The following CARMIL1 variants were observed in gnomAD, a reference collection of about 807,000 sequenced individuals.
CARMIL1 encodes capping protein regulator and myosin 1 linker 1, also known as F-actin-uncapping protein LRRC16A.
Under a neutral mutation model 177.1 loss-of-function variants are expected in CARMIL1, and 90 were observed. That is an observed-to-expected ratio of 0.51 (90% confidence interval 0.43 to 0.61). The LOEUF (loss-of-function observed/expected upper bound fraction) is 0.61, where lower values mean the gene tolerates loss of function less well. Among genes scored for constraint, CARMIL1 ranks in the 20% least tolerant of loss-of-function variants. The pLI is 0.00. For missense variants in CARMIL1, 1,380 were observed against 1,667.0 expected, an observed-to-expected ratio of 0.83 and a Z score of 3.00; for synonymous variants, 577 against 606.2, an observed-to-expected ratio of 0.95 and a Z score of 0.71.
At chr6:25,441,337 A>ATATATATATATATGTGTGTGTGTG in intron 5 of CARMIL1, among the ~76,000 whole-genome samples, 14 of 94,528 alleles carry the variant, frequency 1.5e-4, no homozygotes, top group African/African-American at 3.9e-4. Context: ...ATATATATAT[A>ATATATATATATATGTGTGTGTGTG]TGTGTGTGTG....
intron 27 of CARMIL1, among the ~76,000 whole-genome samples, chr6:25,553,743 G>GT (rs35483705): frequency 6.6e-6 from 1 of 152,144 alleles, no homozygotes; most frequent in Non-Finnish European, 1.5e-5. Flanking sequence ...TTATCCAGAC[G>GT]TTTTTCATTT....
At chr6:25,505,475 C>T (rs4711085) in intron 17 of CARMIL1, among the ~76,000 whole-genome samples, 24,793 of 151,810 alleles carry the variant, frequency 0.16, 2,210 homozygotes, top group South Asian at 0.19. Flanking sequence ...TTAATTGAGA[C>T]GAAGTTTTGC....
At chr6:25,517,778 A>G (rs1345112766) in intron 22 of CARMIL1, among the ~76,000 whole-genome samples, 2 of 152,150 alleles carry the variant, frequency 1.3e-5, no homozygotes, top group Non-Finnish European at 2.9e-5. Context: ...TCCTATTGTG[A>G]CACCTTTGAA....
At chr6:25,406,104 G>A (rs1794342982) in intron 2 of CARMIL1, among the ~76,000 whole-genome samples, 1 of 152,300 alleles carries the variant, frequency 6.6e-6, no homozygotes, top group South Asian at 2.1e-4. Flanking sequence ...AATGGGGCTG[G>A]TAGATATTAA....
rs376805622 is a variant in CARMIL1, at chr6:25,594,046, A to AGT, written c.3007-369_3007-368insGT. ...CACACCTCAGGGCCCTGGAGTCATC[A>AGT]CCACTCTCAGAAGTCAGTGCGTGTT... is the stretch of plus-strand genomic sequence containing the variant. On this transcript the variant is annotated intron_variant, in intron 31 of 36. Transcript: ENST00000329474. Among the ~76,000 whole-genome samples the AGT allele has an allele frequency of 2.2e-3, 338 of 152,204 alleles. 9 individuals carry two copies. The East Asian group carries it at 0.058, about 26-fold the overall frequency.
intron 36 of CARMIL1, 107 bp from the exon 37 acceptor site, chr6:25,619,340 C>G (rs989031621): frequency 5.9e-5 from 66 of 1,119,730 alleles, no homozygotes; most frequent in Non-Finnish European, 7.9e-5. Flanking sequence ...CACCCTGGCC[C>G]CCTCCCCTCC....
intron 35 of CARMIL1, among the ~76,000 whole-genome samples, 186 bp from the exon 36 acceptor site, chr6:25,609,864 G>A (rs1816356414): frequency 6.6e-6 from 1 of 152,126 alleles, no homozygotes; most frequent in Non-Finnish European, 1.5e-5. Context: ...AGTATTCATT[G>A]TTTTTCCCTT....
intron 2 of CARMIL1, among the ~76,000 whole-genome samples, chr6:25,345,657 C>T (rs1219607442): frequency 6.6e-6 from 1 of 152,166 alleles, no homozygotes. Context: ...CCCTCTGTTG[C>T]CCAGGCTTGA....
intron 2 of CARMIL1, among the ~76,000 whole-genome samples, chr6:25,328,593 C>G (rs1716899043): frequency 6.6e-6 from 1 of 152,128 alleles, no homozygotes; most frequent in African/African-American, 2.4e-5. Context: ...GTTCAGATGT[C>G]ACATCTTCGT....
chr6:25,604,989 G>T, intron 34 of CARMIL1, 96 bp downstream of exon 34: 2 of 922,016 alleles, frequency 2.2e-6, no homozygotes, highest in African/African-American at 3.3e-5. Context: ...AAACAGGGAG[G>T]CAAGAACTGA....
chr6:25,347,994 G>C (rs1787706722), intron 2 of CARMIL1, among the ~76,000 whole-genome samples: 1 of 152,144 alleles, frequency 6.6e-6, no homozygotes, highest in Admixed American at 6.5e-5. Context: ...TCATCGATAG[G>C]GTCTTGGAAG....
chr6:25,299,571 ATTG>A (rs1259749531), intron 2 of CARMIL1, among the ~76,000 whole-genome samples: 7 of 152,068 alleles, frequency 4.6e-5, no homozygotes, highest in Non-Finnish European at 7.4e-5. Flanking sequence ...GGTCAAAACA[ATTG>A]TTGTGGGGGC....
chr6:25,584,026 C>CTTTTTTTTTTTTTTTTTTTTTTTTT (rs71544648), intron 31 of CARMIL1, among the ~76,000 whole-genome samples: 2 of 119,140 alleles, frequency 1.7e-5, no homozygotes, highest in African/African-American at 3.2e-5. Context: ...TTTTCTTTTT[C>CTTTTTTTTTTTTTTTTTTTTTTTTT]TTTTTTTTTT....
chr6:25,425,016 C>T (rs1796168089), intron 3 of CARMIL1, among the ~76,000 whole-genome samples: 1 of 152,138 alleles, frequency 6.6e-6, no homozygotes, highest in South Asian at 2.1e-4. Flanking sequence ...GGTATGTATA[C>T]TTTTTAGAAA....
chr6:25,536,793 A>G (rs1808346297), intron 24 of CARMIL1, among the ~76,000 whole-genome samples: 1 of 152,212 alleles, frequency 6.6e-6, no homozygotes, highest in Non-Finnish European at 1.5e-5. Context: ...TCCTATCGTT[A>G]TGATATCAAA....
Position 25,500,223 on chromosome 6 carries a change from C to T in CARMIL1, c.1383C>T (p.Leu461=). The stretch of plus-strand genomic sequence containing the variant: ...ACTTGAAAGGGGTTTCTCTGGATCT[C>T]AGCAACTGTGAGGTAAGAACACCCT... ...NHNLKGVSLD[L]SNCELRSGGA... Residue 461 remains leucine (L), a synonymous_variant, in exon 17 of 37, where the codon CTC becomes CTT. Coordinates refer to ENST00000329474, the MANE Select transcript of CARMIL1 (RefSeq NM_017640.6). 6.2e-7 allele frequency: 1 copy of T among 1,613,778 alleles called. No individual in the cohort carries two copies. Among genetic ancestry groups the T allele is most frequent in the Non-Finnish European group, 8.5e-7 (1 of 1,179,762 alleles).
At chr6:25,578,249 T>C (rs1812781963) in intron 29 of CARMIL1, among the ~76,000 whole-genome samples, 1 of 152,132 alleles carries the variant, frequency 6.6e-6, no homozygotes, top group South Asian at 2.1e-4. Context: ...TTTGAAAAAA[T>C]TGACCCTTTC....
chr6:25,315,124 C>CAG (rs112435926), intron 2 of CARMIL1, among the ~76,000 whole-genome samples: 31,548 of 152,028 alleles, frequency 0.21, 4,204 homozygotes, highest in East Asian at 0.4. Flanking sequence ...AAAGTGAAGG[C>CAG]AGTCTTTAGG....
chr6:25,509,365 G>A lies in CARMIL1; in HGVS notation c.1396-291G>A, dbSNP rs1453651559. 6.6e-6 allele frequency among the ~76,000 whole-genome samples: 1 copy of A among 152,148 alleles called. No homozygotes were observed. The highest frequency in any genetic ancestry group is 2.4e-5 in the African/African-American group (1 of 41,440). ...GAAGAAATTCTTCTGGGTTGATAAT[G>A]CACTGCTTTGCTACTATAGTGGCGT... On this transcript the variant is annotated intron_variant, in intron 17 of 36. Coordinates refer to ENST00000329474, the MANE Select transcript of CARMIL1 (RefSeq NM_017640.6). This position sits in a 1 kb window ranked among gnomAD's most constrained non-coding sequence, Gnocchi z 4.1.
Sources: gnomAD v4.1 joint callset for allele counts (sites outside exome capture counted in the v4.1 genomes callset) on GRCh38, gnomAD v4.1.1 for gene constraint, Gnocchi (gnomAD v3.1) non-coding constraint, MANE v1.5 for transcripts, NCBI Gene and HGNC (gene_info 2026-07-23, HGNC 2026-07-21) for gene names.